SGK3: variants seen among roughly 807,000 people sequenced by gnomAD.
The protein encoded by SGK3 is serine/threonine-protein kinase Sgk3.
Under a neutral mutation model 68.5 loss-of-function variants are expected in SGK3, and 47 were observed. The observed-to-expected ratio is 0.69, with a 90% CI of 0.54 to 0.87. The LOEUF (loss-of-function observed/expected upper bound fraction) is 0.87, where lower values mean the gene tolerates loss of function less well. Ranked by LOEUF, SGK3 falls within the 40% of genes least tolerant of loss-of-function variation. The pLI is 0.00. For synonymous variants in SGK3, 181 were observed against 189.1 expected (o/e 0.96, Z 0.35); for missense variants, 479 against 575.5 (o/e 0.83, Z 1.72).
chr8:66,792,261 G>A (rs1326733490), intron 1 of SGK3, among the ~76,000 whole-genome samples: 2 of 151,164 alleles, frequency 1.3e-5, no homozygotes, highest in South Asian at 2.1e-4. Context: ...CCCAAGAGGC[G>A]GAGGTTGTGG....
At chr8:66,729,691 A>C (rs1384612944) in intron 1 of SGK3, among the ~76,000 whole-genome samples, 1 of 151,984 alleles carries the variant, frequency 6.6e-6, no homozygotes, top group Non-Finnish European at 1.5e-5. Context: ...CTTTTTGAGG[A>C]GTTGCCAGAC....
chr8:66,815,684 C>T (rs2130649057), intron 5 of SGK3, among the ~76,000 whole-genome samples: 1 of 152,228 alleles, frequency 6.6e-6, no homozygotes, highest in Admixed American at 6.5e-5. Context: ...AATAAGTATG[C>T]AATAAATGGT....
chr8:66,760,399 A>G (rs1806127832), intron 1 of SGK3, among the ~76,000 whole-genome samples: 1 of 131,672 alleles, frequency 7.6e-6, no homozygotes, highest in Admixed American at 9.6e-5. Flanking sequence ...CAGTGGCACT[A>G]TCTTGGCTCA....
chr8:66,759,077 C>G (rs988693659), intron 1 of SGK3, among the ~76,000 whole-genome samples: 1 of 147,212 alleles, frequency 6.8e-6, no homozygotes, highest in Admixed American at 6.8e-5. Context: ...TTTTTCTTTT[C>G]TTCTTTTTTT....
At chr8:66,715,644 ATG>A (rs2130313373) in intron 1 of SGK3, among the ~76,000 whole-genome samples, 1 of 151,388 alleles carries the variant, frequency 6.6e-6, no homozygotes, top group Admixed American at 6.6e-5. Flanking sequence ...AAATAAAACT[ATG>A]TGTTTTATTG....
At chr8:66,790,267 G>A (rs1563628631) in intron 1 of SGK3, among the ~76,000 whole-genome samples, 1 of 152,146 alleles carries the variant, frequency 6.6e-6, no homozygotes, top group Non-Finnish European at 1.5e-5. Flanking sequence ...GGTCTTTTGG[G>A]TTATGAGACA....
intron 5 of SGK3, among the ~76,000 whole-genome samples, chr8:66,821,577 A>G (rs572712342): frequency 1.3e-5 from 2 of 151,770 alleles, no homozygotes; most frequent in Non-Finnish European, 2.9e-5. Context: ...CAGTGGCACA[A>G]TCTCGGCTCA....
chr8:66,834,502 T>C (rs951426917), intron 8 of SGK3, among the ~76,000 whole-genome samples: 18 of 152,190 alleles, frequency 1.2e-4, no homozygotes, highest in Non-Finnish European at 2.9e-5. Flanking sequence ...TTTGTTTTTT[T>C]GAACTGCATA....
rs184076317 is a variant in SGK3, at chr8:66,748,359, T to C, written c.-122+35526T>C. ...CTGACTGTGCTGAACTGGCAACCTA[T>C]AAAAACAACAGTGAGTTGCTGGAGG... On this transcript the variant is annotated intron_variant, in intron 1 of 16. Coordinates refer to ENST00000521198, the MANE Select transcript of SGK3 (RefSeq NM_001033578.3). 2.0e-5 allele frequency among the ~76,000 whole-genome samples: 3 copies of C among 152,322 alleles called. No individual in the cohort carries two copies. The East Asian group carries it at 5.8e-4, about 29-fold the overall frequency.
At chr8:66,796,902 T>C (rs547846574) in intron 2 of SGK3, among the ~76,000 whole-genome samples, 8 of 151,668 alleles carry the variant, frequency 5.3e-5, no homozygotes, top group South Asian at 2.1e-4. Flanking sequence ...TTGTACTGTT[T>C]CCTGTGAAAT....
intron 16 of SGK3, among the ~76,000 whole-genome samples, chr8:66,855,537 G>A (rs1810477988): frequency 6.6e-6 from 1 of 152,140 alleles, no homozygotes; most frequent in Non-Finnish European, 1.5e-5. Context: ...TGCTGCCGAA[G>A]TGAGCACTGA....
At chr8:66,843,657 A>T in intron 14 of SGK3, 110 bp downstream of exon 14, 1 of 1,113,852 alleles carries the variant, frequency 9.0e-7, no homozygotes, top group Non-Finnish European at 1.3e-6. Context: ...CTAACAGAGC[A>T]GTAATAGTCT....
chr8:66,771,515 G>T (rs1420193942), intron 1 of SGK3, among the ~76,000 whole-genome samples: 1 of 152,162 alleles, frequency 6.6e-6, no homozygotes, highest in Non-Finnish European at 1.5e-5. Flanking sequence ...ACCTTAATAG[G>T]ACATAGAGCT....
At chr8:66,725,240 A>C (rs1804949081) in intron 1 of SGK3, among the ~76,000 whole-genome samples, 1 of 152,054 alleles carries the variant, frequency 6.6e-6, no homozygotes, top group South Asian at 2.1e-4. Context: ...AAAACAAAAC[A>C]AAACAAAAAA....
At chr8:66,716,140 C>T (rs1804624316) in intron 1 of SGK3, among the ~76,000 whole-genome samples, 1 of 152,192 alleles carries the variant, frequency 6.6e-6, no homozygotes, top group Non-Finnish European at 1.5e-5. Flanking sequence ...GACTCAGTGT[C>T]TCTGTTTTCC....
At chr8:66,717,219 CAAAAAAAACAAAAAAAACAA>C (rs975669352) in intron 1 of SGK3, among the ~76,000 whole-genome samples, 2 of 106,648 alleles carry the variant, frequency 1.9e-5, no homozygotes, top group African/African-American at 1.2e-4. Flanking sequence ...AAAAAAAAAA[CAAAAAAAACAAAAAAAACAA>C]AAAAAAAACG....
chr8:66,821,678 A>ATTTTTTTTTTT (rs59399048), intron 5 of SGK3, among the ~76,000 whole-genome samples: 6 of 108,584 alleles, frequency 5.5e-5, no homozygotes, highest in East Asian at 2.7e-4. Flanking sequence ...ACGCCCGGCT[A>ATTTTTTTTTTT]TTTTTTTTTT....
At chr8:66,751,163 G>A (rs936553976) in intron 1 of SGK3, among the ~76,000 whole-genome samples, 12 of 151,830 alleles carry the variant, frequency 7.9e-5, no homozygotes, top group Non-Finnish European at 1.5e-4. Context: ...TTAGCCGGGC[G>A]TGGTGGCGGG....
chr8:66,840,932 ACT>A, intron 12 of SGK3, 90 bp from the exon 13 acceptor site: 1 of 891,412 alleles, frequency 1.1e-6, no homozygotes, highest in Non-Finnish European at 1.6e-6. Flanking sequence ...ACAGAGTAAG[ACT>A]CTGTTTCAAA....
Sources: allele counts gnomAD v4.1 joint callset (sites outside exome capture counted in the v4.1 genomes callset), GRCh38; gene constraint gnomAD v4.1.1; transcripts MANE v1.5; gene names NCBI Gene and HGNC (gene_info 2026-07-23, HGNC 2026-07-21).